The following PLA2G4A variants were observed in gnomAD, a reference collection of about 807,000 sequenced individuals.
PLA2G4A encodes the protein phospholipase A2 group IVA.
In PLA2G4A, 40 loss-of-function variants were observed where a neutral mutation model predicts 81.9. The ratio of observed to expected loss-of-function variants is 0.49; its 90% CI spans 0.38 to 0.64. The LOEUF (loss-of-function observed/expected upper bound fraction) is 0.64. Ranked by LOEUF, PLA2G4A falls within the 30% of genes least tolerant of loss-of-function variation. The pLI is 0.00. For missense variants in PLA2G4A, 715 were observed against 905.1 expected (o/e 0.79, Z 2.69); for synonymous variants, 302 against 296.9 (o/e 1.02, Z -0.18).
chr1:186,943,264 T>C (rs1177554749), intron 10 of PLA2G4A, among the ~76,000 whole-genome samples: 1 of 152,164 alleles, frequency 6.6e-6, no homozygotes, highest in Non-Finnish European at 1.5e-5. Context: ...CAAATAAACA[T>C]TGGTGTTTAA....
intron 6 of PLA2G4A, among the ~76,000 whole-genome samples, chr1:186,908,190 A>G (rs1224832351): frequency 6.6e-6 from 1 of 152,144 alleles, no homozygotes; most frequent in Non-Finnish European, 1.5e-5. Flanking sequence ...AAAGTTAAAA[A>G]TAATGCATAA....
intron 3 of PLA2G4A, among the ~76,000 whole-genome samples, chr1:186,882,468 A>G (rs1653772727): frequency 6.6e-6 from 1 of 152,190 alleles, no homozygotes; most frequent in Non-Finnish European, 1.5e-5. Context: ...AAGATCTGTT[A>G]GAATGAATAT....
chr1:186,894,193 T>C lies in PLA2G4A; in HGVS notation c.360T>C (p.Val120=). The C allele has an allele frequency of 7.6e-7, 1 of 1,313,860 alleles. No homozygotes were observed. Among genetic ancestry groups the C allele is most frequent in the Non-Finnish European group, 1.1e-6 (1 of 905,502 alleles). 81.4% of individuals were successfully genotyped at this position (1,313,860 alleles called of 1,614,324 possible). Residue 120 remains valine, a synonymous_variant, in exon 5 of 18, where the codon GTT becomes GTC. Coordinates refer to ENST00000367466, the MANE Select transcript of PLA2G4A (RefSeq NM_024420.3). ...TGAAGGTGGGAGAAAAGAAAGAAGT[T>C]CCTTTTATTTTCAACCAAGTAAGTA... ...SSMKVGEKKE[V]PFIFNQVTEM...
chr1:186,876,325 G>A (rs1653496342), intron 3 of PLA2G4A, among the ~76,000 whole-genome samples: 1 of 152,086 alleles, frequency 6.6e-6, no homozygotes, highest in South Asian at 2.1e-4. Flanking sequence ...TTGAAGTCCT[G>A]TGGAAAAATT....
chr1:186,930,744 C>A (rs142959170), intron 7 of PLA2G4A, among the ~76,000 whole-genome samples: 2 of 152,266 alleles, frequency 1.3e-5, no homozygotes, highest in East Asian at 3.9e-4. Flanking sequence ...CAGTATTAAT[C>A]TTGAAATTGT....
intron 2 of PLA2G4A, among the ~76,000 whole-genome samples, chr1:186,867,452 G>C (rs1244533523): frequency 6.6e-6 from 1 of 151,982 alleles, no homozygotes; most frequent in East Asian, 1.9e-4. Context: ...TCATTTTGGG[G>C]AGTGCTAATA....
chr1:186,946,845 T>TTTTCTG (rs1656363518), intron 11 of PLA2G4A, 24 bp from the exon 12 acceptor site: 1 of 1,600,422 alleles, frequency 6.2e-7, no homozygotes, highest in Non-Finnish European at 8.6e-7. Context: ...TTTTAAGTTA[T>TTTTCTG]TTTCTGTTTC....
chr1:186,958,617 T>A (rs534261157), intron 14 of PLA2G4A, among the ~76,000 whole-genome samples: 36 of 152,356 alleles, frequency 2.4e-4, no homozygotes, highest in African/African-American at 8.7e-4. Flanking sequence ...TGACATTGCT[T>A]CCAAGCTTTT....
chr1:186,909,899 C>A (rs1477156322), intron 6 of PLA2G4A, among the ~76,000 whole-genome samples: 1 of 151,978 alleles, frequency 6.6e-6, no homozygotes, highest in African/African-American at 2.4e-5. Context: ...TTCCATATTG[C>A]TAATATGCCA....
chr1:186,841,992 A>G (rs1239627501), intron 1 of PLA2G4A, among the ~76,000 whole-genome samples: 1 of 151,292 alleles, frequency 6.6e-6, no homozygotes, highest in African/African-American at 2.4e-5. Context: ...TAAAGGAGCT[A>G]TGCTCTCTCC....
intron 7 of PLA2G4A, among the ~76,000 whole-genome samples, chr1:186,932,442 C>A (rs992561111): frequency 1.3e-5 from 2 of 151,742 alleles, no homozygotes; most frequent in African/African-American, 2.4e-5. Flanking sequence ...ATTACAGGCA[C>A]CCGCCAGCAC....
At chr1:186,834,205 C>T (rs1455099250) in intron 1 of PLA2G4A, among the ~76,000 whole-genome samples, 1 of 151,374 alleles carries the variant, frequency 6.6e-6, no homozygotes, top group Non-Finnish European at 1.5e-5. Flanking sequence ...TTCTCACTAT[C>T]TAGTTTGAAA....
intron 5 of PLA2G4A, among the ~76,000 whole-genome samples, chr1:186,900,641 G>T (rs1654503247): frequency 6.6e-6 from 1 of 152,200 alleles, no homozygotes; most frequent in Admixed American, 6.5e-5. Context: ...AAGTGGGAAG[G>T]TCTAGAATCT....
chr1:186,937,730 T>TA (rs751166563), intron 8 of PLA2G4A, among the ~76,000 whole-genome samples: 29 of 75,652 alleles, frequency 3.8e-4, no homozygotes, highest in African/African-American at 7.3e-4. Context: ...TATAATAGAC[T>TA]AAAAAAAAAA....
chr1:186,932,138 T>A (rs113898387), intron 7 of PLA2G4A, among the ~76,000 whole-genome samples: 4 of 152,274 alleles, frequency 2.6e-5, no homozygotes, highest in African/African-American at 9.6e-5. Context: ...AATAAGACAA[T>A]GTCCCTGAAA....
intron 13 of PLA2G4A, among the ~76,000 whole-genome samples, chr1:186,954,044 T>A (rs535894481): frequency 6.6e-6 from 1 of 152,334 alleles, no homozygotes; most frequent in East Asian, 1.9e-4. Context: ...CTGGACTGGT[T>A]ACTGAATGAA....
chr1:186,832,083 A>T (rs1011452404), intron 1 of PLA2G4A, among the ~76,000 whole-genome samples: 1 of 151,936 alleles, frequency 6.6e-6, no homozygotes, highest in African/African-American at 2.4e-5. Context: ...ACTATATGAA[A>T]TTTTTCATCT....
chr1:186,927,076 C>A (rs1655575259), intron 7 of PLA2G4A, among the ~76,000 whole-genome samples: 1 of 152,144 alleles, frequency 6.6e-6, no homozygotes, highest in African/African-American at 2.4e-5. Context: ...AGATAGAAAT[C>A]TTTCTGAAAT....
chr1:186,857,909 A>G (rs1187420606), intron 2 of PLA2G4A, among the ~76,000 whole-genome samples: 1 of 152,070 alleles, frequency 6.6e-6, no homozygotes, highest in African/African-American at 2.4e-5. Context: ...AGCTTCATCC[A>G]TGTCCCTGCA....
Sources: gnomAD v4.1 joint callset for allele counts (sites outside exome capture counted in the v4.1 genomes callset) on GRCh38, gnomAD v4.1.1 for gene constraint, MANE v1.5 for transcripts, NCBI Gene and HGNC (gene_info 2026-07-23, HGNC 2026-07-21) for gene names.